Variants in SEMA3A observed in about 807,000 individuals in gnomAD.
The protein encoded by SEMA3A is semaphorin-3A.
A neutral mutation model predicts 97.9 loss-of-function variants in SEMA3A; 29 were observed. The observed-to-expected ratio is 0.30, with a 90% confidence interval of 0.22 to 0.40. The LOEUF (loss-of-function observed/expected upper bound fraction) is 0.40. Among genes scored for constraint, SEMA3A ranks in the 10% least tolerant of loss-of-function variants. SEMA3A has a pLI of 1.00. For synonymous variants in SEMA3A, 321 were observed against 323.7 expected (o/e 0.99, Z 0.09); for missense variants, 763 against 951.3 (o/e 0.80, Z 2.60).
intron 13 of SEMA3A, 32 bp downstream of exon 13, chr7:83,985,404 G>T (rs17158451): frequency 6.7e-7 from 1 of 1,487,828 alleles, no homozygotes. Flanking sequence ...ACAAAATATT[G>T]GATATTCAAT....
chr7:84,185,549 G>A (rs2116250272), intron 1 of SEMA3A, among the ~76,000 whole-genome samples: 1 of 151,586 alleles, frequency 6.6e-6, no homozygotes, highest in South Asian at 2.1e-4. Context: ...AAATTAGCCA[G>A]GCATGGTGAT....
At chr7:84,458,788 ATATT>A (rs1396331487) in intron 1 of SEMA3A, among the ~76,000 whole-genome samples, 4 of 152,090 alleles carry the variant, frequency 2.6e-5, no homozygotes, top group Non-Finnish European at 5.9e-5. Flanking sequence ...ATCACTTCAA[ATATT>A]TATTTTTTCT....
intron 1 of SEMA3A, among the ~76,000 whole-genome samples, chr7:84,402,143 G>C (rs1360494012): frequency 6.6e-6 from 1 of 151,914 alleles, no homozygotes; most frequent in Non-Finnish European, 1.5e-5. Flanking sequence ...AAACCATTGG[G>C]TAGCAAACAA....
chr7:84,134,337 G>A (rs1417010998), intron 2 of SEMA3A, among the ~76,000 whole-genome samples: 1 of 152,166 alleles, frequency 6.6e-6, no homozygotes, highest in Non-Finnish European at 1.5e-5. Flanking sequence ...CAATGAATGG[G>A]AGTGCTTGTG....
chr7:84,177,391 C>CTACA (rs1417183301), intron 1 of SEMA3A, among the ~76,000 whole-genome samples: 3 of 152,044 alleles, frequency 2.0e-5, no homozygotes, highest in Admixed American at 2.0e-4. Context: ...TGTTCTTTAC[C>CTACA]TACAGCCTCT....
intron 1 of SEMA3A, among the ~76,000 whole-genome samples, chr7:84,403,379 A>G (rs1803963525): frequency 6.6e-6 from 1 of 152,228 alleles, no homozygotes; most frequent in Non-Finnish European, 1.5e-5. Flanking sequence ...AGGCTTGAGT[A>G]GGTAAACAAA....
chr7:84,005,459 A>T lies in SEMA3A; in HGVS notation c.1240T>A (p.Phe414Ile), dbSNP rs1387297669. 2 of 1,613,802 alleles carry T rather than the reference A, an allele frequency of 1.2e-6. No homozygotes were observed. Among genetic ancestry groups the T allele is most frequent in the East Asian group, 2.2e-5 (1 of 44,866 alleles). ...ACTATTGGGCGATTGTTCATAGGAA[A>T]CACTGGATTGTACATGGCTGGATGA... ...RSHPAMYNPV[F>I]PMNNRPIVIK... Residue 414 changes from phenylalanine (F) to isoleucine (I), a missense_variant, in exon 11 of 17, where the codon TTT becomes ATT. Phe to Ile is a conservative substitution (Grantham distance 21). This residue lies in a region of SEMA3A where 678 missense variants were observed against 881.3 expected (regional missense o/e 0.77). Transcript: ENST00000265362.
At chr7:84,305,425 AT>A (rs1801130041) in intron 3 of SEMA3A, among the ~76,000 whole-genome samples, 1 of 151,872 alleles carries the variant, frequency 6.6e-6, no homozygotes, top group Non-Finnish European at 1.5e-5. Context: ...TGGAAGTAAA[AT>A]TTCATCAGAT....
chr7:84,248,735 TCCTCCCTC>T (rs986606290), intron 3 of SEMA3A, among the ~76,000 whole-genome samples: 1 of 151,740 alleles, frequency 6.6e-6, no homozygotes, highest in South Asian at 2.1e-4. Flanking sequence ...CTCTCTCTGA[TCCTCCCTC>T]CCTCCCTCCC....
intron 1 of SEMA3A, among the ~76,000 whole-genome samples, chr7:84,146,750 C>T (rs768470770): frequency 5.3e-5 from 8 of 151,434 alleles, no homozygotes; most frequent in Non-Finnish European, 1.2e-4. Flanking sequence ...TTTTAAAATT[C>T]CCATTGGTTT....
intron 4 of SEMA3A, among the ~76,000 whole-genome samples, chr7:84,086,505 T>A (rs62477262): frequency 8.3e-4 from 41 of 49,542 alleles, no homozygotes; most frequent in Middle Eastern, 0.013. Flanking sequence ...TAATATATTA[T>A]TATATTATAT....
At chr7:84,288,768 T>TA (rs1800662046) in intron 3 of SEMA3A, among the ~76,000 whole-genome samples, 1 of 152,070 alleles carries the variant, frequency 6.6e-6, no homozygotes, top group East Asian at 1.9e-4. Flanking sequence ...GGCTTATATA[T>TA]TGTTTGGTGG....
chr7:84,288,107 T>C (rs905634381), intron 3 of SEMA3A, among the ~76,000 whole-genome samples: 1 of 152,034 alleles, frequency 6.6e-6, no homozygotes, highest in Non-Finnish European at 1.5e-5. Context: ...GTTTACATAG[T>C]TAATCTTTTT....
intron 2 of SEMA3A, among the ~76,000 whole-genome samples, chr7:84,319,856 T>C (rs559327666): frequency 4.6e-5 from 7 of 152,322 alleles, no homozygotes; most frequent in Admixed American, 1.3e-4. Context: ...TGTTTTTCAA[T>C]ATTTTTATAA....
intron 1 of SEMA3A, among the ~76,000 whole-genome samples, chr7:84,459,236 T>TACTC (rs1805762905): frequency 6.6e-6 from 1 of 152,160 alleles, no homozygotes; most frequent in Non-Finnish European, 1.5e-5. Context: ...TAAAAACACA[T>TACTC]ACTCATATTT....
chr7:83,993,051 G>T (rs1790032244), intron 12 of SEMA3A, among the ~76,000 whole-genome samples: 1 of 139,510 alleles, frequency 7.2e-6, no homozygotes, highest in African/African-American at 2.7e-5. Context: ...TTGTTGAATT[G>T]ATCCCTTTAC....
At chr7:84,139,857 C>T (rs572329545) in intron 1 of SEMA3A, among the ~76,000 whole-genome samples, 1 of 151,922 alleles carries the variant, frequency 6.6e-6, no homozygotes, top group East Asian at 1.9e-4. Flanking sequence ...TAATATGCTA[C>T]CAGTTAATCG....
chr7:84,416,290 T>A (rs1804432330), intron 1 of SEMA3A, among the ~76,000 whole-genome samples: 1 of 152,094 alleles, frequency 6.6e-6, no homozygotes, highest in South Asian at 2.1e-4. Context: ...CACTTTTGCT[T>A]CTTCCTCATT....
intron 4 of SEMA3A, among the ~76,000 whole-genome samples, chr7:84,069,124 GA>G (rs1296621886): frequency 6.6e-6 from 1 of 152,042 alleles, no homozygotes; most frequent in African/African-American, 2.4e-5. Flanking sequence ...TTTTTGGATA[GA>G]GAGATAAAAT....
Sources: gnomAD v4.1 joint callset for allele counts (sites outside exome capture counted in the v4.1 genomes callset) on GRCh38, gnomAD v4.1.1 for gene constraint, gnomAD v4.1.1 regional missense constraint, MANE v1.5 for transcripts, NCBI Gene and HGNC (gene_info 2026-07-23, HGNC 2026-07-21) for gene names.